Variants in CNTNAP5 observed in about 807,000 individuals in gnomAD.
CNTNAP5 encodes contactin-associated protein-like 5.
CNTNAP5 carries 72 observed loss-of-function variants against 150.2 expected under a neutral mutation model. The observed-to-expected ratio is 0.48, with a 90% confidence interval of 0.40 to 0.58. CNTNAP5 has a LOEUF of 0.58. CNTNAP5 is among the 20% of genes least tolerant of loss of function. CNTNAP5 has a pLI of 0.00. For synonymous variants in CNTNAP5, 672 were observed against 619.8 expected (o/e 1.08, Z -1.25); for missense variants, 1,636 against 1,626.2 (o/e 1.01, Z -0.10).
intron 3 of CNTNAP5, among the ~76,000 whole-genome samples, chr2:124,291,639 A>G (rs1435044195): frequency 6.6e-6 from 1 of 152,122 alleles, no homozygotes; most frequent in Non-Finnish European, 1.5e-5. Context: ...AAATGCTGCC[A>G]AATAAACACT....
At chr2:124,070,363 C>T (rs1017297297) in intron 1 of CNTNAP5, among the ~76,000 whole-genome samples, 3 of 127,760 alleles carry the variant, frequency 2.3e-5, no homozygotes, top group African/African-American at 8.9e-5. Context: ...GGACTAAACT[C>T]TCCAATAAAG....
chr2:124,597,826 G>A (rs1484356609), intron 11 of CNTNAP5, among the ~76,000 whole-genome samples: 1 of 149,966 alleles, frequency 6.7e-6, no homozygotes, highest in Non-Finnish European at 1.5e-5. Flanking sequence ...CATATTTCTT[G>A]GAGGCTTTGC....
At chr2:124,035,454 T>C (rs1172324337) in intron 1 of CNTNAP5, among the ~76,000 whole-genome samples, 1 of 152,040 alleles carries the variant, frequency 6.6e-6, no homozygotes, top group African/African-American at 2.4e-5. Flanking sequence ...TCCCTCACTC[T>C]TCCTGTTGCA....
intron 1 of CNTNAP5, among the ~76,000 whole-genome samples, chr2:124,168,765 G>A (rs1684863151): frequency 1.3e-5 from 2 of 151,948 alleles, no homozygotes; most frequent in Admixed American, 1.3e-4. Flanking sequence ...ATTACCAATG[G>A]CTATTAATGT....
At chr2:124,094,970 T>C (rs889385637) in intron 1 of CNTNAP5, among the ~76,000 whole-genome samples, 3 of 152,202 alleles carry the variant, frequency 2.0e-5, no homozygotes, top group Non-Finnish European at 4.4e-5. Flanking sequence ...TGTAGGATTT[T>C]ACCTTTAAAA....
chr2:124,480,000 T>A (rs926627540), intron 7 of CNTNAP5, among the ~76,000 whole-genome samples: 7 of 152,202 alleles, frequency 4.6e-5, no homozygotes, highest in Admixed American at 4.6e-4. Flanking sequence ...AATAAAAACA[T>A]CTATAAATCC....
At chr2:124,254,166 CAA>C (rs1176827161) in intron 3 of CNTNAP5, among the ~76,000 whole-genome samples, 2 of 152,138 alleles carry the variant, frequency 1.3e-5, no homozygotes, top group Admixed American at 6.6e-5. Context: ...AAAAAGTACT[CAA>C]GTTAGAAATA....
chr2:124,713,292 TCTTTCTTTCTTCTTTCTCTTTCTTTC>T (rs1679861097), intron 13 of CNTNAP5, among the ~76,000 whole-genome samples: 12 of 129,384 alleles, frequency 9.3e-5, no homozygotes, highest in Admixed American at 3.9e-4. Flanking sequence ...TTTCTTTCTT[TCTTTCTTTCTTCTTTCTCTTTCTTTC>T]CTTTCTTTCT....
chr2:124,121,137 TACACAC>T (rs3981152), intron 1 of CNTNAP5, among the ~76,000 whole-genome samples: 8 of 148,650 alleles, frequency 5.4e-5, no homozygotes, highest in South Asian at 2.2e-4. Flanking sequence ...CTTATTGCCA[TACACAC>T]ACACACACAC....
chr2:124,886,701 A>C (rs1357255687), intron 21 of CNTNAP5, among the ~76,000 whole-genome samples: 1 of 152,096 alleles, frequency 6.6e-6, no homozygotes, highest in South Asian at 2.1e-4. Context: ...AGTAACATGC[A>C]TTTAATAATC....
At chr2:124,754,071 C>G (rs949445563) in intron 14 of CNTNAP5, among the ~76,000 whole-genome samples, 2 of 152,094 alleles carry the variant, frequency 1.3e-5, no homozygotes, top group Admixed American at 6.6e-5. Flanking sequence ...TTGCTGTTTC[C>G]TCACCTGGGT....
chr2:124,249,769 TA>T, intron 3 of CNTNAP5, among the ~76,000 whole-genome samples: 1 of 152,248 alleles, frequency 6.6e-6, no homozygotes, highest in East Asian at 1.9e-4. Context: ...ATCAACCTGT[TA>T]AAATCTTTTA....
chr2:124,660,707 C>A (rs536079908), intron 13 of CNTNAP5, among the ~76,000 whole-genome samples: 1 of 151,802 alleles, frequency 6.6e-6, no homozygotes, highest in Non-Finnish European at 1.5e-5. Flanking sequence ...CTGTAGGCAA[C>A]TATAATACAA....
chr2:124,455,660 TC>T (rs1177558712), intron 6 of CNTNAP5, among the ~76,000 whole-genome samples: 3 of 151,900 alleles, frequency 2.0e-5, no homozygotes, highest in African/African-American at 7.2e-5. Context: ...GATGCAAAAA[TC>T]CTTAGCTAAA....
chr2:124,039,864 T>C (rs996700183), intron 1 of CNTNAP5, among the ~76,000 whole-genome samples: 13 of 152,012 alleles, frequency 8.6e-5, no homozygotes, highest in Admixed American at 7.9e-4. Flanking sequence ...TATATATGCA[T>C]GCTCAGATTT....
At chr2:124,296,419 T>A (rs1281753995) in intron 3 of CNTNAP5, among the ~76,000 whole-genome samples, 1 of 152,186 alleles carries the variant, frequency 6.6e-6, no homozygotes, top group African/African-American at 2.4e-5. Context: ...ACTGGGCAGA[T>A]CTGGTTTCAT....
intron 1 of CNTNAP5, among the ~76,000 whole-genome samples, chr2:124,152,441 G>T (rs765518077): frequency 6.6e-6 from 1 of 152,170 alleles, no homozygotes; most frequent in African/African-American, 2.4e-5. Context: ...GAACAAATAC[G>T]TGGCAGAGCT....
intron 14 of CNTNAP5, among the ~76,000 whole-genome samples, chr2:124,748,454 T>C (rs955676117): frequency 6.6e-6 from 1 of 152,206 alleles, no homozygotes; most frequent in African/African-American, 2.4e-5. Flanking sequence ...GTATTGATTG[T>C]GAAAATATGT....
At chr2:124,285,820 C>T (rs778052347) in intron 3 of CNTNAP5, among the ~76,000 whole-genome samples, 11 of 151,612 alleles carry the variant, frequency 7.3e-5, no homozygotes, top group Non-Finnish European at 1.5e-4. Flanking sequence ...AACAAACAAA[C>T]AAACGAAAAA....
Sources: gnomAD v4.1 joint callset for allele counts (sites outside exome capture counted in the v4.1 genomes callset) on GRCh38, gnomAD v4.1.1 for gene constraint, MANE v1.5 for transcripts, NCBI Gene and HGNC (gene_info 2026-07-23, HGNC 2026-07-21) for gene names.